The following KIF15 variants were observed in gnomAD, a reference collection of about 807,000 sequenced individuals.
KIF15 encodes the protein kinesin family member 15, also known as kinesin-like protein KIF15.
KIF15 carries 140 observed loss-of-function variants against 190.6 expected under a neutral mutation model. The ratio of observed to expected loss-of-function variants is 0.73; its 90% confidence interval spans 0.64 to 0.84. The LOEUF is 0.84. Ranked by LOEUF, KIF15 falls within the 40% of genes least tolerant of loss-of-function variation. The probability of loss-of-function intolerance (pLI) is 0.00; values close to 1 mark genes in which losing one functional copy is unlikely to be tolerated. For synonymous variants in KIF15, 528 were observed against 551.3 expected, an observed-to-expected ratio of 0.96 and a Z score of 0.59; for missense variants, 1,372 against 1,584.4, an observed-to-expected ratio of 0.87 and a Z score of 2.28.
At chr3:44,823,603 T>C (rs1697478025) in intron 20 of KIF15, among the ~76,000 whole-genome samples, 2 of 152,220 alleles carry the variant, frequency 1.3e-5, no homozygotes, top group South Asian at 2.1e-4. Flanking sequence ...TGCTCAGCTA[T>C]GCTCTGCCCC....
At chr3:44,808,285 A>G (rs1185440295) in intron 16 of KIF15, among the ~76,000 whole-genome samples, 1 of 152,130 alleles carries the variant, frequency 6.6e-6, no homozygotes, top group African/African-American at 2.4e-5. Flanking sequence ...TCTTCCTTTT[A>G]TGACTGAGCA....
intron 6 of KIF15, chr3:44,865,443 T>A: frequency 2.2e-6 from 1 of 461,432 alleles, no homozygotes; most frequent in Non-Finnish European, 3.9e-6. Context: ...TCGCAGATGC[T>A]GGAGATCCTG....
Position 44,814,937 on chromosome 3 carries a change from C to T in KIF15, c.2410C>T (p.Arg804Ter), listed in dbSNP as rs371714527. 18 of 1,607,444 alleles carry T rather than the reference C, an allele frequency of 1.1e-5. No homozygotes were observed. The highest frequency in any genetic ancestry group is 5.4e-5 in the African/African-American group (4 of 74,416). Residue 804 changes from arginine (R) to a stop codon, truncating the protein, a stop_gained, in exon 20 of 35, where the codon CGA becomes TGA. Coordinates refer to ENST00000326047, the MANE Select transcript of KIF15 (RefSeq NM_020242.3). LOFTEE classifies it high-confidence loss of function. Reference sequence around the variant, plus strand: ...TTTGAAAAGTGAGGTACATGACCTGCGAGTAGTCCTTCATTCTGCTGACAA... The same window carrying T: ...TTTGAAAAGTGAGGTACATGACCTGTGAGTAGTCCTTCATTCTGCTGACAA... Reference protein sequence around the residue: ...DFLKSEVHDLRVVLHSADKEL... With the variant: ...DFLKSEVHDL
chr3:44,800,727 A>T (rs1707227624), intron 11 of KIF15, among the ~76,000 whole-genome samples: 2 of 152,340 alleles, frequency 1.3e-5, no homozygotes, highest in South Asian at 4.1e-4. Flanking sequence ...ATATATGTTT[A>T]CTATAGGATA....
intron 34 of KIF15, 33 bp from the exon 35 acceptor site, chr3:44,852,635 CTTATT>C: frequency 6.8e-7 from 1 of 1,462,172 alleles, no homozygotes; most frequent in Non-Finnish European, 9.3e-7. Flanking sequence ...GAATTAGAGC[CTTATT>C]TTTTTTCTTT....
Position 44,797,586 on chromosome 3 carries a change from G to A in KIF15, c.885G>A (p.Leu295=). 6.2e-7 allele frequency: 1 copy of A among 1,614,028 alleles called. No homozygotes were observed. The highest frequency in any genetic ancestry group is 8.5e-7 in the Non-Finnish European group (1 of 1,179,966). The change falls in exon 9 of 35, where the codon CTG becomes CTA. Residue 295 remains leucine, a synonymous_variant. Transcript: ENST00000326047. ...AGNINRSLSC[L]GQVITALVDV... ...ACATAAATCGATCATTGAGCTGCCT[G>A]GGCCAAGTGATTACAGCACTTGTCG...
chr3:44,824,649 T>A (rs1057206354), intron 20 of KIF15, among the ~76,000 whole-genome samples: 1 of 152,220 alleles, frequency 6.6e-6, no homozygotes, highest in East Asian at 1.9e-4. Context: ...GGGATCTTAA[T>A]TTCCTAATGT....
At chr3:44,840,745 T>G (rs1211164225) in intron 28 of KIF15, among the ~76,000 whole-genome samples, 3 of 140,430 alleles carry the variant, frequency 2.1e-5, no homozygotes, top group Non-Finnish European at 4.5e-5. Flanking sequence ...CTCGGCTCAC[T>G]GCAGCCTCCG....
At chr3:44,864,121 T>C in intron 6 of KIF15, 2 of 1,592,372 alleles carry the variant, frequency 1.3e-6, no homozygotes, top group Non-Finnish European at 1.7e-6. Flanking sequence ...GCAACCACAG[T>C]CCTGGGTGTG....
chr3:44,840,106 A>G (rs938334722), intron 27 of KIF15, among the ~76,000 whole-genome samples: 4 of 152,126 alleles, frequency 2.6e-5, no homozygotes, highest in Admixed American at 2.0e-4. Flanking sequence ...CTTCCATACT[A>G]TTTTTCACAA....
At chr3:44,817,193 C>T (rs1225356797) in intron 20 of KIF15, among the ~76,000 whole-genome samples, 1 of 152,094 alleles carries the variant, frequency 6.6e-6, no homozygotes, top group African/African-American at 2.4e-5. Context: ...TGTAGGTTGC[C>T]TGTTCACTCT....
chr3:44,800,505 G>A, intron 11 of KIF15, 68 bp downstream of exon 11: 1 of 1,554,110 alleles, frequency 6.4e-7, no homozygotes, highest in Middle Eastern at 1.7e-4. Context: ...AGCCCTTGGT[G>A]ATAGACACAA....
chr3:44,862,567 C>T (rs1471132340), intron 6 of KIF15: 1 of 152,472 alleles, frequency 6.6e-6, no homozygotes, highest in Non-Finnish European at 1.5e-5. Flanking sequence ...CCGTAATTAA[C>T]GGGTGTTGTG....
intron 24 of KIF15, among the ~76,000 whole-genome samples, chr3:44,829,651 GTA>G (rs1697938879): frequency 1.3e-5 from 1 of 77,556 alleles, no homozygotes; most frequent in Admixed American, 1.7e-4. Flanking sequence ...TATTATATAT[GTA>G]TATATTATGT....
chr3:44,789,642 T>TTATATA lies in KIF15; in HGVS notation c.639+3113_639+3118dup, dbSNP rs56009369. Among the ~76,000 whole-genome samples the TTATATA allele has an allele frequency of 6.1e-3, 691 of 113,086 alleles. 3 individuals are homozygous for TTATATA. Among genetic ancestry groups the TTATATA allele is most frequent in the Non-Finnish European group, 8.9e-3 (499 of 56,094 alleles). 74.2% of individuals were successfully genotyped at this position (113,086 alleles called of 152,430 possible). The stretch of plus-strand genomic sequence containing the variant: ...GTTTCATTGCGATTTTTGTCTAATT[T>TTATATA]TATATATATATATATATATATATAT... On this transcript the variant is annotated intron_variant, in intron 7 of 34. Coordinates refer to ENST00000326047, the MANE Select transcript of KIF15 (RefSeq NM_020242.3).
At chr3:44,784,125 A>G (rs1165493936) in intron 5 of KIF15, among the ~76,000 whole-genome samples, 4 of 152,222 alleles carry the variant, frequency 2.6e-5, no homozygotes, top group African/African-American at 9.6e-5. Context: ...TAATGTGTTT[A>G]AAGCACTAAC....
At chr3:44,772,967 C>G (rs1055020284) in intron 1 of KIF15, among the ~76,000 whole-genome samples, 2 of 152,156 alleles carry the variant, frequency 1.3e-5, no homozygotes, top group African/African-American at 4.8e-5. Flanking sequence ...CCTATGCCAG[C>G]ATCCCATCCT....
chr3:44,843,116 T>C lies in KIF15; in HGVS notation c.3586-9T>C. 6.3e-7 allele frequency: 1 copy of C among 1,594,618 alleles called. No homozygotes were observed. Among genetic ancestry groups the C allele is most frequent in the East Asian group, 2.2e-5 (1 of 44,544 alleles). ...TGTTTTTTGAAAAGATACGATTTGA[T>C]GTTATTAGGAGCAGTTGCGTGAAAT... On this transcript the variant is annotated splice_polypyrimidine_tract_variant and intron_variant, in intron 29 of 34. Transcript: ENST00000326047.
At chr3:44,790,383 T>C (rs1706628742) in intron 7 of KIF15, among the ~76,000 whole-genome samples, 1 of 152,138 alleles carries the variant, frequency 6.6e-6, no homozygotes, top group Non-Finnish European at 1.5e-5. Flanking sequence ...TTTGTCATGT[T>C]GGCCGGGCTG....
Sources: gnomAD v4.1 joint callset for allele counts (sites outside exome capture counted in the v4.1 genomes callset) on GRCh38, gnomAD v4.1.1 for gene constraint, MANE v1.5 for transcripts, NCBI Gene and HGNC (gene_info 2026-07-23, HGNC 2026-07-21) for gene names.